The following A4GALT variants were observed in gnomAD, a reference collection of about 807,000 sequenced individuals.
The protein encoded by A4GALT is lactosylceramide 4-alpha-galactosyltransferase.
For synonymous variants in A4GALT, 257 were observed against 220.7 expected (o/e 1.16, Z -1.46); for missense variants, 512 against 486.0 (o/e 1.05, Z -0.50).
rs934347611 is a variant in A4GALT at position 42,698,202 on chromosome 22, C to T, written c.-187-2571G>A. 4.7e-5 allele frequency among the ~76,000 whole-genome samples: 7 copies of T among 148,142 alleles called. No homozygotes were observed. In the South Asian group the frequency reaches 8.5e-4, roughly 18 times the overall value. On this transcript the variant is annotated intron_variant, in intron 1 of 2. Coordinates refer to ENST00000642412, the MANE Select transcript of A4GALT (RefSeq NM_017436.7). ...GGCAGAGGTTGCAGTGAGCTGAGAT[C>T]GTGCCACTGCACTCTAGCCTGGCAA...
rs1459523944 is a variant in A4GALT, at chr22:42,693,358, G to C, written c.594C>G (p.Leu198=). 1 of 1,613,204 alleles carries C rather than the reference G, an allele frequency of 6.2e-7. No homozygotes were observed. The highest frequency in any genetic ancestry group is 8.5e-7 in the Non-Finnish European group (1 of 1,180,016). The change falls in exon 3 of 3, where the codon CTC becomes CTG. Residue 198 remains leucine, a synonymous_variant. Transcript: ENST00000642412. The stretch of plus-strand genomic sequence containing the variant: ...CGTTGGTCAGGTTCCGCAGGTTCTT[G>C]AGAACAATGAAGTCCGTGTCCAGGT... ...GIYLDTDFIV[L]KNLRNLTNVL... is the part of the protein sequence containing the mutation.
intron 1 of A4GALT, among the ~76,000 whole-genome samples, chr22:42,699,425 G>A (rs951104269): frequency 1.8e-4 from 28 of 152,110 alleles, no homozygotes; most frequent in African/African-American, 6.0e-4. Context: ...TTTGCACTGC[G>A]GACTCATCCT....
chr22:42,704,832 T>C (rs1265089103), intron 1 of A4GALT, among the ~76,000 whole-genome samples: 1 of 115,520 alleles, frequency 8.7e-6, no homozygotes, highest in African/African-American at 3.4e-5. Flanking sequence ...CACAGTTGAG[T>C]GTGGCCCAAA....
intron 2 of A4GALT, chr22:42,694,684 T>A (rs1336042612): frequency 6.6e-6 from 1 of 152,454 alleles, no homozygotes; most frequent in Non-Finnish European, 1.5e-5. Context: ...GGGAAAAGAC[T>A]GTGGGAACAC....
intron 1 of A4GALT, among the ~76,000 whole-genome samples, chr22:42,707,432 G>T (rs759851474): frequency 1.4e-4 from 21 of 152,028 alleles, no homozygotes; most frequent in Non-Finnish European, 2.6e-4. Context: ...GAGGCAGTCG[G>T]ATCAGTTAAG....
At chr22:42,701,562 G>C (rs1048235470) in intron 1 of A4GALT, among the ~76,000 whole-genome samples, 9 of 152,158 alleles carry the variant, frequency 5.9e-5, no homozygotes, top group African/African-American at 2.2e-4. Context: ...CTGCAGTGGA[G>C]GCAGAGGGGT....
intron 2 of A4GALT, 100 bp from the exon 3 acceptor site, chr22:42,694,097 C>G (rs1930743050): frequency 1.3e-6 from 1 of 773,754 alleles, no homozygotes; most frequent in South Asian, 1.7e-5. Context: ...AGGCTGGCTT[C>G]CAAGCCCATG....
In A4GALT at chr22:42,693,558, G is replaced by T. The variant is rs773811911; in HGVS notation, c.394C>A (p.Leu132Ile). The T allele has an allele frequency of 1.2e-6, 2 of 1,613,600 alleles. No individual in the cohort carries two copies. Among genetic ancestry groups the T allele is most frequent in the Admixed American group, 3.3e-5 (2 of 60,024 alleles). The change falls in exon 3 of 3, where the codon CTT becomes ATT. Residue 132 changes from leucine (L) to isoleucine (I), a missense_variant. Leu to Ile is a conservative substitution (Grantham distance 5). Coordinates refer to ENST00000642412, the MANE Select transcript of A4GALT (RefSeq NM_017436.7). ...ASLPRHLGISLLSCFPNVQML... is the reference protein window; with the variant it reads ...ASLPRHLGISILSCFPNVQML... The stretch of plus-strand genomic sequence containing the variant: ...TGGACATTCGGGAAGCAGCTCAGAA[G>T]TGAGATGCCCAGGTGCCGGGGCAGA...
rs71311456 is a variant in A4GALT at position 42,703,057 on chromosome 22, C to CTGTGTGTGTG, written c.-187-7436_-187-7427dup. On this transcript the variant is annotated intron_variant, in intron 1 of 2. Coordinates refer to ENST00000642412, the MANE Select transcript of A4GALT (RefSeq NM_017436.7). ...GCCTTGGCTGGCACATGCTGCCCTG[C>CTGTGTGTGTG]TGTGTGTGTGTGTGTGTGTGTGTGT... is the stretch of plus-strand genomic sequence containing the variant. Among the ~76,000 whole-genome samples, 73 of 134,414 alleles carry CTGTGTGTGTG rather than the reference C, an allele frequency of 5.4e-4. 1 individual carries two copies. The highest frequency in any genetic ancestry group is 2.1e-3 in the African/African-American group (66 of 31,028). 88.2% of individuals were successfully genotyped at this position (134,414 alleles called of 152,430 possible). A position where few individuals can be genotyped will look rare whatever the true frequency, so the allele number is the denominator to read the frequency against.
At chr22:42,707,153 C>T (rs1466210252) in intron 1 of A4GALT, among the ~76,000 whole-genome samples, 2 of 152,098 alleles carry the variant, frequency 1.3e-5, no homozygotes, top group East Asian at 3.8e-4. Flanking sequence ...ACTCTCTACC[C>T]TAGTGATAGA....
intron 1 of A4GALT, among the ~76,000 whole-genome samples, chr22:42,699,934 C>T (rs919760471): frequency 2.0e-5 from 3 of 152,126 alleles, no homozygotes; most frequent in Non-Finnish European, 4.4e-5. Flanking sequence ...GAGGAATTCG[C>T]CCCCGTTCTC....
In A4GALT at chr22:42,693,118, G is replaced by A. The variant is rs1239508086; in HGVS notation, c.834C>T (p.Thr278=). ...TGGGGTAGAAGGCCTCAGGGGGCAG[G>A]GTGGTGACGCCGCGGCAGGCGCGGC... ...AESRACRGVT[T]LPPEAFYPIP... Residue 278 remains threonine, a synonymous_variant, in exon 3 of 3, where the codon ACC becomes ACT. Transcript: ENST00000642412. 5 of 1,610,766 alleles carry A rather than the reference G, an allele frequency of 3.1e-6. No individual in the cohort carries two copies. The African/African-American group carries it at 6.7e-5, about 22-fold the overall frequency.
At chr22:42,721,276 T>C (rs1052087435), upstream of A4GALT, 2 of 152,128 alleles carry the variant, frequency 1.3e-5, no homozygotes, top group African/African-American at 2.4e-5. Flanking sequence ...ATCACCCCAG[T>C]GTTTGCGGAA....
chr22:42,695,925 C>A (rs1930891909), intron 1 of A4GALT, among the ~76,000 whole-genome samples: 2 of 151,952 alleles, frequency 1.3e-5, no homozygotes. Flanking sequence ...GAGTTCGAGA[C>A]CAGCCTGGCC....
chr22:42,709,067 A>ATATATATTTTTTTTTT (rs1180529043), intron 1 of A4GALT, among the ~76,000 whole-genome samples: 234 of 128,800 alleles, frequency 1.8e-3, no homozygotes, highest in South Asian at 9.3e-3. Flanking sequence ...ATATATATAT[A>ATATATATTTTTTTTTT]TTTTTTTTAA....
At chr22:42,709,909 T>C (rs1346551985) in intron 1 of A4GALT, among the ~76,000 whole-genome samples, 2 of 152,176 alleles carry the variant, frequency 1.3e-5, no homozygotes, top group African/African-American at 2.4e-5. Context: ...TCATATTAAA[T>C]AGATCTAAGC....
At position 42,693,819 on chromosome 22, in the gene A4GALT, C is replaced by T. The variant is rs1441723553; in HGVS notation, c.133G>A (p.Glu45Lys). ...TAGAGCTGCCCTTTCTCCTTGGGCT[C>T]TCCCACAACGTGCCAGTAGATCATG... ...SIMIYWHVVG[E>K]PKEKGQLYNL... The change falls in exon 3 of 3, where the codon GAG (glutamate) becomes AAG (lysine). Residue 45 changes from glutamate (E) to lysine (K), a missense_variant. Physicochemically the swap from Glu to Lys is moderately conservative, Grantham distance 56. Transcript: ENST00000642412. The T allele has an allele frequency of 6.2e-7, 1 of 1,606,298 alleles. No homozygotes were observed. The highest frequency in any genetic ancestry group is 8.5e-7 in the Non-Finnish European group (1 of 1,176,702).
intron 2 of A4GALT, among the ~76,000 whole-genome samples, 162 bp from the exon 3 acceptor site, chr22:42,694,159 C>T (rs1178057168): frequency 6.6e-6 from 1 of 152,266 alleles, no homozygotes; most frequent in Admixed American, 6.5e-5. Context: ...GCTGGCTGCT[C>T]ACCTACGAAA....
At position 42,693,451 on chromosome 22, in the gene A4GALT, C is replaced by T. The variant is rs755664626; in HGVS notation, c.501G>A (p.Glu167=). The T allele has an allele frequency of 1.2e-6, 2 of 1,613,114 alleles. No individual in the cohort carries two copies. Among genetic ancestry groups the T allele is most frequent in the East Asian group, 4.5e-5 (2 of 44,886 alleles). ...DWYAAVQGRW[E]PYLLPVLSDA... is the part of the protein sequence containing the mutation. ...CGGAGAGCACGGGCAGCAGGTAGGG[C>T]TCCCAGCGCCCCTGCACGGCCGCGT... is the stretch of plus-strand genomic sequence containing the variant. The change falls in exon 3 of 3, where the codon GAG becomes GAA. Residue 167 remains glutamate, a synonymous_variant. Coordinates refer to ENST00000642412, the MANE Select transcript of A4GALT (RefSeq NM_017436.7).
Sources: gnomAD v4.1 joint callset for allele counts (sites outside exome capture counted in the v4.1 genomes callset) on GRCh38, gnomAD v4.1.1 for gene constraint, MANE v1.5 for transcripts, NCBI Gene and HGNC (gene_info 2026-07-23, HGNC 2026-07-21) for gene names.